The following RASAL2 variants were observed in gnomAD, a reference collection of about 807,000 sequenced individuals.
RASAL2 encodes RAS protein activator like 2.
RASAL2 carries 58 observed loss-of-function variants against 128.9 expected under a neutral mutation model. The ratio of observed to expected loss-of-function variants is 0.45; its 90% confidence interval spans 0.36 to 0.56. The LOEUF is 0.56. RASAL2 is among the 20% of genes least tolerant of loss of function. The probability of loss-of-function intolerance (pLI) is 0.00; values close to 1 mark genes in which losing one functional copy is unlikely to be tolerated. For missense variants in RASAL2, 1,360 were observed against 1,601.6 expected, an observed-to-expected ratio of 0.85 and a Z score of 2.57; for synonymous variants, 561 against 580.8, an observed-to-expected ratio of 0.97 and a Z score of 0.49.
intron 1 of RASAL2, among the ~76,000 whole-genome samples, chr1:178,136,251 C>A (rs112064190): frequency 0.013 from 2,053 of 152,176 alleles, 47 homozygotes; most frequent in African/African-American, 0.046. Context: ...AACAGAGAGG[C>A]AATATAATGT....
At chr1:178,290,658 T>C (rs1215854290) in intron 2 of RASAL2, among the ~76,000 whole-genome samples, 1 of 152,168 alleles carries the variant, frequency 6.6e-6, no homozygotes, top group Non-Finnish European at 1.5e-5. Context: ...TCAGTAAGTT[T>C]ATTTTTATTT....
chr1:178,357,555 G>A (rs2102464575), intron 3 of RASAL2, among the ~76,000 whole-genome samples: 1 of 151,616 alleles, frequency 6.6e-6, no homozygotes, highest in South Asian at 2.1e-4. Context: ...AAGGTATTTG[G>A]CCTTTTATTC....
intron 1 of RASAL2, among the ~76,000 whole-genome samples, chr1:178,263,356 C>T (rs1394120112): frequency 1.3e-5 from 2 of 152,146 alleles, no homozygotes; most frequent in African/African-American, 4.8e-5. Flanking sequence ...CACATTCCTA[C>T]ATAGTAGAAA....
intron 1 of RASAL2, among the ~76,000 whole-genome samples, chr1:178,139,413 C>T (rs1660450280): frequency 1.3e-5 from 2 of 152,100 alleles, no homozygotes; most frequent in South Asian, 4.1e-4. Context: ...AAACTTTTTA[C>T]TTACCCTTTT....
intron 1 of RASAL2, among the ~76,000 whole-genome samples, chr1:178,168,664 T>C (rs1661598977): frequency 6.6e-6 from 1 of 152,136 alleles, no homozygotes; most frequent in African/African-American, 2.4e-5. Flanking sequence ...CACACCGGGC[T>C]GTGTGTTTGT....
At chr1:178,305,642 T>G (rs957730011) in intron 3 of RASAL2, among the ~76,000 whole-genome samples, 2 of 152,198 alleles carry the variant, frequency 1.3e-5, no homozygotes, top group Non-Finnish European at 2.9e-5. Context: ...AAAGTGTGAT[T>G]GACCAGCAGC....
At chr1:178,308,931 A>G (rs959540432) in intron 3 of RASAL2, among the ~76,000 whole-genome samples, 2 of 152,188 alleles carry the variant, frequency 1.3e-5, no homozygotes, top group Non-Finnish European at 2.9e-5. Context: ...CTGTAGAACT[A>G]CTGGATGGTA....
chr1:178,330,867 C>G (rs1399748409), intron 3 of RASAL2, among the ~76,000 whole-genome samples: 8 of 152,142 alleles, frequency 5.3e-5, no homozygotes, highest in Non-Finnish European at 4.4e-5. Flanking sequence ...AACAGTGCCT[C>G]TCCCCCGGAA....
chr1:178,473,068 GT>G lies in RASAL2; in HGVS notation c.3679-5del. ...GCCTGAATAAAGCCATGATTGGTGT[GT>G]TGTAGGAAAAACGGATCGTGTCCCT... On this transcript the variant is annotated splice_region_variant and splice_polypyrimidine_tract_variant and intron_variant, in intron 17 of 17. Coordinates refer to ENST00000367649, the MANE Select transcript of RASAL2 (RefSeq NM_170692.4). The G allele has an allele frequency of 6.2e-7, 1 of 1,614,090 alleles. No individual in the cohort carries two copies. Among genetic ancestry groups the G allele is most frequent in the Non-Finnish European group, 8.5e-7 (1 of 1,179,950 alleles).
intron 3 of RASAL2, among the ~76,000 whole-genome samples, chr1:178,360,754 C>G (rs1671064104): frequency 6.6e-6 from 1 of 152,190 alleles, no homozygotes; most frequent in South Asian, 2.1e-4. Context: ...TTGTTTCCTT[C>G]TGAGGGCTGT....
chr1:178,447,221 C>G (rs1461482909), intron 9 of RASAL2, among the ~76,000 whole-genome samples: 1 of 150,918 alleles, frequency 6.6e-6, no homozygotes, highest in Admixed American at 6.6e-5. Context: ...ACTCAGGAGG[C>G]CAAGGTAAGA....
chr1:178,264,026 A>G (rs544971465), intron 1 of RASAL2, among the ~76,000 whole-genome samples: 1 of 152,316 alleles, frequency 6.6e-6, no homozygotes, highest in African/African-American at 2.4e-5. Flanking sequence ...GAGAAATAAA[A>G]ATTTTAGAGA....
At chr1:178,263,171 A>G (rs1484100267) in intron 1 of RASAL2, among the ~76,000 whole-genome samples, 2 of 152,176 alleles carry the variant, frequency 1.3e-5, no homozygotes, top group African/African-American at 2.4e-5. Context: ...AGTTTTTTCT[A>G]TCAGATTTTA....
intron 1 of RASAL2, among the ~76,000 whole-genome samples, chr1:178,228,189 C>T (rs930221762): frequency 6.6e-6 from 1 of 152,070 alleles, no homozygotes; most frequent in African/African-American, 2.4e-5. Context: ...CTTCCTCAGT[C>T]CATGGTTCTT....
chr1:178,390,311 A>G lies in RASAL2; in HGVS notation c.564+105A>G, dbSNP rs1672823877. On this transcript the variant is annotated intron_variant, in intron 4 of 17. Transcript: ENST00000367649. ...GAATCCAAACATTCTTCTCTTCAAGAATTTCTTTATAATTCTGTGATTAAA... is the reference window on the plus strand; with the variant it reads ...GAATCCAAACATTCTTCTCTTCAAGGATTTCTTTATAATTCTGTGATTAAA... 9.3e-6 allele frequency: 7 copies of G among 753,282 alleles called. No homozygotes were observed. In the South Asian group the frequency reaches 1.3e-4, roughly 13 times the overall value. 46.7% of individuals were successfully genotyped at this position (753,282 alleles called of 1,614,324 possible). A position where few individuals can be genotyped will look rare whatever the true frequency, so the allele number is the denominator to read the frequency against.
At chr1:178,303,132 C>T (rs145334661) in intron 3 of RASAL2, among the ~76,000 whole-genome samples, 27 of 152,138 alleles carry the variant, frequency 1.8e-4, no homozygotes, top group African/African-American at 6.5e-4. Flanking sequence ...GTGACATTTC[C>T]CTCACGGCAG....
chr1:178,396,187 G>T (rs531847674), intron 4 of RASAL2, among the ~76,000 whole-genome samples: 242 of 152,178 alleles, frequency 1.6e-3, no homozygotes, highest in Non-Finnish European at 3.0e-3. Flanking sequence ...TCAATCTGTG[G>T]TAATTCCTAG....
chr1:178,276,180 G>A (rs979255133), intron 1 of RASAL2, among the ~76,000 whole-genome samples: 2 of 152,198 alleles, frequency 1.3e-5, no homozygotes, highest in African/African-American at 4.8e-5. Context: ...TTCATTGTGT[G>A]TCAGGACAAA....
intron 3 of RASAL2, among the ~76,000 whole-genome samples, chr1:178,338,790 C>G (rs374407389): frequency 9.7e-4 from 148 of 152,308 alleles, no homozygotes; most frequent in African/African-American, 3.3e-3. Context: ...CAGTTATAGT[C>G]TCTGCCACCA....
Sources: gnomAD v4.1 joint callset for allele counts (sites outside exome capture counted in the v4.1 genomes callset) on GRCh38, gnomAD v4.1.1 for gene constraint, MANE v1.5 for transcripts, NCBI Gene and HGNC (gene_info 2026-07-23, HGNC 2026-07-21) for gene names.